Variants in ABCA13 observed in about 807,000 individuals in gnomAD.
The protein encoded by ABCA13 is ATP-binding cassette sub-family A member 13.
Under a neutral mutation model 478.7 loss-of-function variants are expected in ABCA13, and 476 were observed. That is an observed-to-expected ratio of 0.99 (90% CI 0.92 to 1.07). The LOEUF (loss-of-function observed/expected upper bound fraction) is 1.07, where lower values mean the gene tolerates loss of function less well. Among genes scored for constraint, ABCA13 ranks in the 50% least tolerant of loss-of-function variants. ABCA13 has a pLI of 0.00. For synonymous variants in ABCA13, 2,252 were observed against 2,158.9 expected (o/e 1.04, Z -1.20); for missense variants, 6,060 against 5,910.6 (o/e 1.03, Z -0.83).
intron 50 of ABCA13, among the ~76,000 whole-genome samples, chr7:48,508,822 A>C (rs1192196648): frequency 1.3e-5 from 2 of 152,220 alleles, no homozygotes. Context: ...CACCAGGCAC[A>C]AATTTCCGCA....
chr7:48,305,466 C>T (rs908020850), intron 23 of ABCA13, among the ~76,000 whole-genome samples: 1 of 152,194 alleles, frequency 6.6e-6, no homozygotes, highest in Admixed American at 6.5e-5. Context: ...TAAATACCTG[C>T]GCTCCTTTCA....
chr7:48,176,957 T>C (rs1216176434), intron 1 of ABCA13, among the ~76,000 whole-genome samples: 1 of 152,222 alleles, frequency 6.6e-6, no homozygotes. Context: ...AATAATCTCA[T>C]TTCTTTGAGA....
chr7:48,237,093 A>G (rs1390285176), intron 8 of ABCA13, among the ~76,000 whole-genome samples: 1 of 150,608 alleles, frequency 6.6e-6, no homozygotes, highest in Non-Finnish European at 1.5e-5. Flanking sequence ...TGGGGATGAA[A>G]TCACAAGGAT....
At chr7:48,261,622 A>G (rs1794194160) in intron 15 of ABCA13, among the ~76,000 whole-genome samples, 1 of 150,696 alleles carries the variant, frequency 6.6e-6, no homozygotes, top group Non-Finnish European at 1.5e-5. Flanking sequence ...TTTAAATCAT[A>G]TTTTTAATTT....
At chr7:48,287,711 G>C (rs1164947505) in intron 19 of ABCA13, among the ~76,000 whole-genome samples, 1 of 152,344 alleles carries the variant, frequency 6.6e-6, no homozygotes, top group East Asian at 1.9e-4. Context: ...AAAGGAGCCA[G>C]TTTGAGGAGG....
At chr7:48,538,182 C>A (rs776635016) in intron 55 of ABCA13, among the ~76,000 whole-genome samples, 2 of 147,830 alleles carry the variant, frequency 1.4e-5, no homozygotes, top group Non-Finnish European at 3.0e-5. Flanking sequence ...CTCACTGTAA[C>A]CTCTGCCTCC....
intron 3 of ABCA13, among the ~76,000 whole-genome samples, chr7:48,209,898 TA>T (rs1785404230): frequency 6.6e-6 from 1 of 152,186 alleles, no homozygotes; most frequent in African/African-American, 2.4e-5. Flanking sequence ...TCAGTATTGC[TA>T]AAGGTTTATC....
At chr7:48,463,269 G>A (rs1826464973) in intron 43 of ABCA13, among the ~76,000 whole-genome samples, 1 of 152,178 alleles carries the variant, frequency 6.6e-6, no homozygotes, top group African/African-American at 2.4e-5. Context: ...AGATAAGTAT[G>A]TTGCCTATCA....
intron 40 of ABCA13, 123 bp downstream of exon 40, chr7:48,410,800 A>C: frequency 2.2e-6 from 3 of 1,360,084 alleles, no homozygotes; most frequent in Non-Finnish European, 3.0e-6. Context: ...AATGGCCCAC[A>C]TGCCAAAATA....
intron 39 of ABCA13, among the ~76,000 whole-genome samples, chr7:48,406,492 G>A (rs1222054511): frequency 1.3e-5 from 2 of 152,178 alleles, no homozygotes; most frequent in African/African-American, 2.4e-5. Context: ...GACAAGGGGC[G>A]AATGTGGGAA....
chr7:48,572,211 CAG>C (rs1417265034), intron 55 of ABCA13, among the ~76,000 whole-genome samples: 2 of 152,096 alleles, frequency 1.3e-5, no homozygotes, highest in Non-Finnish European at 2.9e-5. Context: ...TTATTATTAA[CAG>C]AAATATATAG....
Position 48,274,344 on chromosome 7 carries a change from G to A in ABCA13, c.4678G>A (p.Gly1560Ser). 1 of 1,613,242 alleles carries A rather than the reference G, an allele frequency of 6.2e-7. No homozygotes were observed. The highest frequency in any genetic ancestry group is 1.1e-5 in the South Asian group (1 of 90,950). ...GAAGGAATTTCAGAAGCTTGTAAAA[G>A]GTATTTACTTTAACATCCTGGAAAA... is the stretch of plus-strand genomic sequence containing the variant. ...LGKEFQKLVK[G>S]IYFNILENNS... is the part of the protein sequence containing the mutation. The change falls in exon 17 of 62, where the codon GGT (glycine) becomes AGT (serine). Residue 1560 changes from glycine (G) to serine (S), a missense_variant. Gly to Ser is a moderately conservative substitution (Grantham distance 56, BLOSUM62 0). This residue lies in a region of ABCA13 where 4,423 missense variants were observed against 4,309.1 expected (regional missense o/e 1.03). Transcript: ENST00000435803.
chr7:48,408,891 G>T (rs1289400869), intron 39 of ABCA13, among the ~76,000 whole-genome samples: 1 of 152,056 alleles, frequency 6.6e-6, no homozygotes. Context: ...TTCCCTCTAT[G>T]TCTCCATGTG....
At chr7:48,413,868 G>C (rs755053732) in intron 41 of ABCA13, among the ~76,000 whole-genome samples, 6 of 152,210 alleles carry the variant, frequency 3.9e-5, no homozygotes, top group Non-Finnish European at 7.3e-5. Flanking sequence ...TTAAGGTTGA[G>C]TAAGCTGAGG....
At chr7:48,505,999 C>A (rs1229546536) in intron 48 of ABCA13, among the ~76,000 whole-genome samples, 1 of 152,088 alleles carries the variant, frequency 6.6e-6, no homozygotes, top group African/African-American at 2.4e-5. Context: ...TGTTACTTAG[C>A]CTGAGTATGT....
At chr7:48,451,490 T>A (rs930960236) in intron 42 of ABCA13, among the ~76,000 whole-genome samples, 1 of 152,240 alleles carries the variant, frequency 6.6e-6, no homozygotes, top group African/African-American at 2.4e-5. Context: ...TAATATTAGA[T>A]GTTAACATTA....
chr7:48,446,778 C>T (rs1378925722), intron 42 of ABCA13, among the ~76,000 whole-genome samples: 8 of 152,188 alleles, frequency 5.3e-5, no homozygotes, highest in Admixed American at 5.2e-4. Context: ...ATTTCAAAAA[C>T]CACCTTCCCT....
intron 42 of ABCA13, among the ~76,000 whole-genome samples, chr7:48,438,784 A>G (rs1823188356): frequency 6.6e-6 from 1 of 151,682 alleles, no homozygotes; most frequent in Non-Finnish European, 1.5e-5. Context: ...AGCACCTTCA[A>G]TTCTTTTTTG....
chr7:48,406,049 A>G (rs1247312901), intron 39 of ABCA13, among the ~76,000 whole-genome samples: 2 of 152,210 alleles, frequency 1.3e-5, no homozygotes, highest in Non-Finnish European at 2.9e-5. Flanking sequence ...AGGACTGTGC[A>G]GAAACAAACA....
Sources: allele counts gnomAD v4.1 joint callset (sites outside exome capture counted in the v4.1 genomes callset), GRCh38; gene constraint gnomAD v4.1.1; regional missense constraint gnomAD v4.1.1; transcripts MANE v1.5; gene names NCBI Gene and HGNC (gene_info 2026-07-23, HGNC 2026-07-21).